TYW1B: variants seen among roughly 807,000 people sequenced by gnomAD.
TYW1B encodes tRNA-yW synthesizing protein 1 homolog B.
Under a neutral mutation model 86.9 loss-of-function variants are expected in TYW1B, and 73 were observed. That is an observed-to-expected ratio of 0.84 (90% CI 0.70 to 1.02). TYW1B has a LOEUF of 1.02. TYW1B is among the 50% of genes least tolerant of loss of function. The pLI is 0.00. For synonymous variants in TYW1B, 248 were observed against 292.8 expected (o/e 0.85, Z 1.56); for missense variants, 637 against 827.4 (o/e 0.77, Z 2.82).
intron 11 of TYW1B, among the ~76,000 whole-genome samples, chr7:72,683,024 C>T (rs1355670275): frequency 2.6e-5 from 4 of 152,216 alleles, no homozygotes; most frequent in African/African-American, 9.6e-5. Context: ...TGACATGTGT[C>T]AGAGCATTGT....
intron 11 of TYW1B, among the ~76,000 whole-genome samples, chr7:72,673,253 C>T (rs541876111): frequency 1.3e-5 from 2 of 152,348 alleles, no homozygotes; most frequent in Admixed American, 6.5e-5. Context: ...TGTATCAAAA[C>T]TCTTTTCAGA....
At chr7:72,758,829 C>A (rs1313600255) in intron 7 of TYW1B, among the ~76,000 whole-genome samples, 2 of 152,264 alleles carry the variant, frequency 1.3e-5, no homozygotes, top group East Asian at 3.9e-4. Context: ...TCTACAAAAT[C>A]GACATTCTGT....
intron 12 of TYW1B, among the ~76,000 whole-genome samples, chr7:72,617,476 C>T (rs1437162190): frequency 2.6e-5 from 4 of 152,154 alleles, no homozygotes; most frequent in Admixed American, 6.6e-5. Context: ...AAGAGAGTCT[C>T]GTGCCTCAGC....
At chr7:72,607,634 T>C (rs187643898) in intron 13 of TYW1B, among the ~76,000 whole-genome samples, 2 of 151,796 alleles carry the variant, frequency 1.3e-5, no homozygotes, top group African/African-American at 4.8e-5. Flanking sequence ...AATGAATCAA[T>C]CTAAAGTTAG....
intron 6 of TYW1B, among the ~76,000 whole-genome samples, chr7:72,802,078 T>C (rs1255801366): frequency 1.3e-5 from 2 of 151,834 alleles, no homozygotes; most frequent in Non-Finnish European, 2.9e-5. Context: ...ATCATTAGTG[T>C]ATTTTATGTG....
intron 13 of TYW1B, among the ~76,000 whole-genome samples, chr7:72,580,738 T>A (rs1811133855): frequency 6.6e-6 from 1 of 152,188 alleles, no homozygotes; most frequent in Admixed American, 6.5e-5. Flanking sequence ...AGATGGTAGA[T>A]TAAACGCATG....
chr7:72,736,264 G>A lies in TYW1B; in HGVS notation c.1083-7333C>T, dbSNP rs1432942625. Among the ~76,000 whole-genome samples the A allele has an allele frequency of 2.0e-5, 3 of 152,192 alleles. No individual in the cohort carries two copies. In the East Asian group the frequency reaches 5.8e-4, roughly 29 times the overall value. On this transcript the variant is annotated intron_variant, in intron 8 of 13. Transcript: ENST00000620995. ...CAAAGGAAGGAGGAAGTAACTTGTG[G>A]AATGCTCAGAAAGGTAAAAACACCT...
At chr7:72,679,227 T>A (rs1461380835) in intron 11 of TYW1B, among the ~76,000 whole-genome samples, 4 of 152,214 alleles carry the variant, frequency 2.6e-5, no homozygotes, top group Admixed American at 2.0e-4. Context: ...AAAAATCTAA[T>A]CAAGTTCAAG....
chr7:72,601,331 A>G (rs1406545738), intron 13 of TYW1B, among the ~76,000 whole-genome samples: 1 of 150,062 alleles, frequency 6.7e-6, no homozygotes, highest in African/African-American at 2.5e-5. Flanking sequence ...CTATTAGAAT[A>G]GCTAAACCTC....
At chr7:72,723,121 C>CTATATA in intron 9 of TYW1B, 1 of 798,650 alleles carries the variant, frequency 1.3e-6, no homozygotes, top group Non-Finnish European at 1.8e-6. Context: ...CCCCCTACCC[C>CTATATA]CAGGGCTTGT....
chr7:72,801,911 T>C (rs2129572503), intron 6 of TYW1B, among the ~76,000 whole-genome samples: 1 of 152,306 alleles, frequency 6.6e-6, no homozygotes, highest in African/African-American at 2.4e-5. Context: ...AATCCTATCA[T>C]GCTGTTCATC....
rs782535675 is a variant in TYW1B at position 72,810,591 on chromosome 7, C to A, written c.312G>T (p.Trp104Cys). The A allele has an allele frequency of 9.0e-5, 145 of 1,613,814 alleles. No individual in the cohort carries two copies. Among genetic ancestry groups the A allele is most frequent in the Non-Finnish European group, 5.8e-5 (68 of 1,179,866 alleles). Residue 104 changes from tryptophan (W) to cysteine (C), a missense_variant, in exon 4 of 14, where the codon TGG becomes TGT. Physicochemically the swap from Trp to Cys is radical, Grantham distance 215. Transcript: ENST00000620995. ...ATGCTTCCTCTAACCATTTGCAGAA[C>A]CACTCTGCACTTTCGGTTGGTAGGC... ...TDGLPTESAE[W>C]FCKWLEEASI...
chr7:72,673,994 C>T (rs1433463353), intron 11 of TYW1B, among the ~76,000 whole-genome samples: 4 of 151,900 alleles, frequency 2.6e-5, no homozygotes, highest in South Asian at 2.1e-4. Context: ...GAATAAACAC[C>T]TGAAGCAGAG....
intron 8 of TYW1B, among the ~76,000 whole-genome samples, chr7:72,735,147 G>C (rs1554460742): frequency 6.6e-6 from 1 of 152,194 alleles, no homozygotes; most frequent in African/African-American, 2.4e-5. Flanking sequence ...AGAGACAGCT[G>C]CATTCTCATG....
intron 13 of TYW1B, among the ~76,000 whole-genome samples, chr7:72,607,346 T>G (rs1273768104): frequency 6.8e-6 from 1 of 147,102 alleles, no homozygotes; most frequent in Non-Finnish European, 1.5e-5. Context: ...GAGCCAAGAT[T>G]GTGCCACTGG....
In TYW1B at chr7:72,737,419, A is replaced by G. The variant is rs1325034054; in HGVS notation, c.1082+7065T>C. Reference sequence around the variant, plus strand: ...GCTTTCCAAAACTCTGGGTAAATGTACTGCTCAAGAAACTGAAAGACTGCA... The same window carrying G: ...GCTTTCCAAAACTCTGGGTAAATGTGCTGCTCAAGAAACTGAAAGACTGCA... On this transcript the variant is annotated intron_variant, in intron 8 of 13. Coordinates refer to ENST00000620995, the MANE Select transcript of TYW1B (RefSeq NM_001145440.3). 4.6e-5 allele frequency among the ~76,000 whole-genome samples: 7 copies of G among 152,206 alleles called. No homozygotes were observed. The East Asian group carries it at 1.3e-3, about 29-fold the overall frequency.
chr7:72,823,605 G>C (rs1388068815), intron 2 of TYW1B, among the ~76,000 whole-genome samples: 10 of 151,152 alleles, frequency 6.6e-5, no homozygotes, highest in African/African-American at 2.4e-4. Context: ...GGCGACACAG[G>C]GAGACTCCAT....
At chr7:72,811,822 A>G (rs144239679) in intron 3 of TYW1B, among the ~76,000 whole-genome samples, 13,603 of 149,194 alleles carry the variant, frequency 0.091, 642 homozygotes, top group Non-Finnish European at 0.11. Context: ...TGAGGCAGGA[A>G]AACTGCTTTA....
At chr7:72,821,645 T>C (rs1172758678) in intron 2 of TYW1B, among the ~76,000 whole-genome samples, 1 of 152,076 alleles carries the variant, frequency 6.6e-6, no homozygotes, top group African/African-American at 2.4e-5. Context: ...GGAGTAGCAG[T>C]GAAGGTGGTA....
Sources: gnomAD v4.1 joint callset for allele counts (sites outside exome capture counted in the v4.1 genomes callset) on GRCh38, gnomAD v4.1.1 for gene constraint, MANE v1.5 for transcripts, NCBI Gene and HGNC (gene_info 2026-07-23, HGNC 2026-07-21) for gene names.